Variants in HCFC1 observed in about 807,000 individuals in gnomAD.
The protein encoded by HCFC1 is host cell factor C1, also known as host cell factor 1.
HCFC1 carries 7 observed loss-of-function variants against 105.5 expected under a neutral mutation model. The observed-to-expected ratio is 0.07, with a 90% CI of 0.04 to 0.12. HCFC1 has a LOEUF of 0.12. Among genes scored for constraint, HCFC1 ranks in the 10% least tolerant of loss-of-function variants. The probability of loss-of-function intolerance (pLI) is 1.00; values close to 1 mark genes in which losing one functional copy is unlikely to be tolerated. For missense variants in HCFC1, 1,065 were observed against 1,823.6 expected, an observed-to-expected ratio of 0.58 and a Z score of 7.58; for synonymous variants, 918 against 828.1, an observed-to-expected ratio of 1.11 and a Z score of -1.86.
chrX:153,962,342 T>C (rs781844575), intron 4 of HCFC1, 36 bp from the exon 5 acceptor site: 26 of 1,017,574 alleles, frequency 2.6e-5, no homozygotes, highest in Middle Eastern at 2.5e-4. Context: ...TTACACAAGG[T>C]AGACTGCACA....
At chrX:153,955,772 G>A (rs2065369611) in intron 16 of HCFC1, among the ~76,000 whole-genome samples, 1 of 112,836 alleles carries the variant, frequency 8.9e-6, no homozygotes, top group East Asian at 2.8e-4. Context: ...AGGCTGTGAG[G>A]ACAGGGCAAG....
In HCFC1 at chrX:153,952,817, C is replaced by T. The variant is rs781955447; in HGVS notation, c.4639G>A (p.Val1547Met). 7.5e-6 allele frequency: 9 copies of T among 1,197,090 alleles called. No homozygotes were observed. The highest frequency in any genetic ancestry group is 1.0e-5 in the Non-Finnish European group (9 of 888,540). Residue 1547 changes from valine (V) to methionine (M), a missense_variant, in exon 19 of 26, where the codon GTG becomes ATG. Physicochemically the swap from Val to Met is conservative, Grantham distance 21. Coordinates refer to ENST00000310441, the MANE Select transcript of HCFC1 (RefSeq NM_005334.3). ...GGCTCCCCTGTGCTGCTCAGATCCA[C>T]GGCGGCCGGGAGCTCAGGGGTCTGG... ...ASQTPELPAA[V>M]DLSSTGEPSS...
At chrX:153,960,550 A>G (rs1346344064) in intron 6 of HCFC1, 136 bp from the exon 7 acceptor site, 2 of 439,513 alleles carry the variant, frequency 4.6e-6, no homozygotes, top group Non-Finnish European at 7.4e-6. Context: ...TAAAAACAAC[A>G]AAACAAAGAA....
rs782473143 is a variant in HCFC1, at chrX:153,962,515, C to T, written c.713-209G>A. 2.7e-5 allele frequency among the ~76,000 whole-genome samples: 3 copies of T among 112,379 alleles called. No individual in the cohort carries two copies. The South Asian group carries it at 1.1e-3, about 41-fold the overall frequency. The stretch of plus-strand genomic sequence containing the variant: ...GCGGTTTCGACCAGGCTAGCAATAG[C>T]GCTCCTTCAGGTACATCCTGAGCAC... On this transcript the variant is annotated intron_variant, in intron 4 of 25. Coordinates refer to ENST00000310441, the MANE Select transcript of HCFC1 (RefSeq NM_005334.3).
At chrX:153,969,000 G>A (rs1392551061) in intron 1 of HCFC1, among the ~76,000 whole-genome samples, 1 of 112,385 alleles carries the variant, frequency 8.9e-6, no homozygotes, top group Admixed American at 9.3e-5. Flanking sequence ...CTCCCTGGAG[G>A]CAACAGGTGC....
intron 5 of HCFC1, 89 bp downstream of exon 5, chrX:153,962,133 G>A (rs968070830): frequency 3.2e-5 from 22 of 692,699 alleles, no homozygotes; most frequent in Non-Finnish European, 5.0e-5. Context: ...CAGGCCTTAG[G>A]GTCTGACAGG....
At position 153,956,187 on chromosome X, in the gene HCFC1, C is replaced by T; in HGVS notation, c.2856+4G>A. 8.3e-7 allele frequency: 1 copy of T among 1,209,026 alleles called. No individual in the cohort carries two copies. Among genetic ancestry groups the T allele is most frequent in the Non-Finnish European group, 1.1e-6 (1 of 893,443 alleles). ...CCCACACGTGGCCTCAGGCCCTGCC[C>T]TACCTGCATGGTGATGGTTGGGGTT... On this transcript the variant is annotated splice_donor_region_variant and intron_variant, in intron 16 of 25. Transcript: ENST00000310441.
intron 7 of HCFC1, 36 bp from the exon 8 acceptor site, chrX:153,960,197 G>A: frequency 2.5e-6 from 3 of 1,195,482 alleles, no homozygotes; most frequent in Middle Eastern, 2.3e-4. Context: ...AGGGGCGGGA[G>A]GCTATGGGAG....
intron 18 of HCFC1, 138 bp downstream of exon 18, chrX:153,953,469 G>C (rs762653): frequency 1.7e-6 from 1 of 586,818 alleles, no homozygotes. Context: ...AGGCACCGAG[G>C]CTGCCCTTTT....
intron 1 of HCFC1, among the ~76,000 whole-genome samples, chrX:153,964,957 G>A (rs12556137): frequency 8.0e-4 from 89 of 111,925 alleles, no homozygotes; most frequent in Non-Finnish European, 1.4e-3. Context: ...ATCTTAATGA[G>A]CGGGAAGTTA....
chrX:153,966,622 A>AACC (rs2065476275), intron 1 of HCFC1, among the ~76,000 whole-genome samples: 2 of 112,207 alleles, frequency 1.8e-5, no homozygotes, highest in Admixed American at 9.3e-5. Flanking sequence ...AACGAGACCT[A>AACC]AGGCTGCCTG....
rs1603294733 is a variant in HCFC1 at position 153,952,721 on chromosome X, G to C, written c.4735C>G (p.Gln1579Glu). Reference sequence around the variant, plus strand: ...AGTGATAACTGGTCTACTTCGGACTGTGTGGGTGGGGGTGGCTGGACCACC... The same window carrying C: ...AGTGATAACTGGTCTACTTCGGACTCTGTGGGTGGGGGTGGCTGGACCACC... ...TVVVQPPPPT[Q>E]SEVDQLSLPQ... The change falls in exon 19 of 26, where the codon CAG (glutamine) becomes GAG (glutamate). Residue 1579 changes from glutamine to glutamate, a missense_variant. Gln to Glu is a conservative substitution (Grantham distance 29). This residue lies in a region of HCFC1 where 546 missense variants were observed against 599.9 expected (regional missense o/e 0.91). Coordinates refer to ENST00000310441, the MANE Select transcript of HCFC1 (RefSeq NM_005334.3). 1.7e-6 allele frequency: 2 copies of C among 1,209,774 alleles called. No homozygotes were observed. The highest frequency in any genetic ancestry group is 2.2e-6 in the Non-Finnish European group (2 of 894,242).
In HCFC1 at chrX:153,948,848, CG is replaced by C; in HGVS notation, c.*498del. 1 of 113,644 alleles carries C rather than the reference CG, an allele frequency of 8.8e-6. No homozygotes were observed. The highest frequency in any genetic ancestry group is 1.9e-5 in the Non-Finnish European group (1 of 53,675). 9.4% of individuals were successfully genotyped at this position (113,644 alleles called of 1,213,427 possible). ...TGTGGGGTCACTGAGCAGGGTGGGC[CG>C]GGGGAGCCTGAGGAAGGGAAGTTAG... On this transcript the variant is annotated 3_prime_UTR_variant, in exon 26 of 26. Transcript: ENST00000310441.
chrX:153,965,481 C>G (rs1182974636), intron 1 of HCFC1, among the ~76,000 whole-genome samples: 1 of 111,759 alleles, frequency 8.9e-6, no homozygotes, highest in Admixed American at 9.4e-5. Context: ...TCCCTCATGT[C>G]CTCAAACTTG....
intron 8 of HCFC1, 144 bp downstream of exon 8, chrX:153,959,658 C>G: frequency 1.1e-6 from 1 of 932,538 alleles, no homozygotes; most frequent in Middle Eastern, 4.1e-4. Context: ...GCTTTAGCAT[C>G]CCCCTACAAC....
Position 153,970,828 on chromosome X carries a change from C to A in HCFC1, c.13G>T (p.Val5Leu), listed in dbSNP as rs1256924911. The A allele has an allele frequency of 1.7e-6, 2 of 1,158,690 alleles. No individual in the cohort carries two copies. Among genetic ancestry groups the A allele is most frequent in the African/African-American group, 3.6e-5 (2 of 55,071 alleles). The change falls in exon 1 of 26, where the codon GTG becomes TTG. Residue 5 changes from valine to leucine, a missense_variant. Coordinates refer to ENST00000310441, the MANE Select transcript of HCFC1 (RefSeq NM_005334.3). ...ACCGCTGGCAAGTTGGCGGGCGACA[C>A]GGCCGAAGCCATAGTTCCGGGAAAG... MASA[V>L]SPANLPAVLL... is the part of the protein sequence containing the mutation.
rs1557112363 is a variant in HCFC1 at position 153,951,323 on chromosome X, AGGACATCAGCACCTGG to A, written c.5517+11_5517+26del. The A allele has an allele frequency of 7.4e-6, 9 of 1,208,134 alleles. No homozygotes were observed. The highest frequency in any genetic ancestry group is 1.0e-5 in the Non-Finnish European group (9 of 892,565). On this transcript the variant is annotated intron_variant, in intron 22 of 25. Transcript: ENST00000310441. ...GGTGGAGCCAAGACCCACCCACCTG[AGGACATCAGCACCTGG>A]GGACACTTACGTCTGATGGGACAGC...
chrX:153,971,531 C>T lies in HCFC1; in HGVS notation c.-691G>A. 1 of 292,500 alleles carries T rather than the reference C, an allele frequency of 3.4e-6. No homozygotes were observed. The allele number at this position is 292,500 out of a possible 1,213,427, so 24.1% of individuals were successfully genotyped here. ...GCCGTACGGCTTGTGAAGTCTCGCG[C>T]CTCTCCCCTTAGTCCGCCTCTGCTG... On this transcript the variant is annotated 5_prime_UTR_variant, in exon 1 of 26. Transcript: ENST00000310441.
chrX:153,952,407 T>A, intron 19 of HCFC1, 107 bp downstream of exon 19: 4 of 939,411 alleles, frequency 4.3e-6, no homozygotes, highest in Non-Finnish European at 5.7e-6. Context: ...CCATCACATC[T>A]GGCTCATGCC....
Sources: gnomAD v4.1 joint callset for allele counts (sites outside exome capture counted in the v4.1 genomes callset) on GRCh38, gnomAD v4.1.1 for gene constraint, gnomAD v4.1.1 regional missense constraint, MANE v1.5 for transcripts, NCBI Gene and HGNC (gene_info 2026-07-23, HGNC 2026-07-21) for gene names.